TRRAP: variants seen among roughly 807,000 people sequenced by gnomAD.
The protein encoded by TRRAP is transformation/transcription domain-associated protein.
A neutral mutation model predicts 438.8 loss-of-function variants in TRRAP; 41 were observed. The ratio of observed to expected loss-of-function variants is 0.09; its 90% CI spans 0.07 to 0.12. The LOEUF is 0.12. Ranked by LOEUF, TRRAP falls within the 10% of genes least tolerant of loss-of-function variation. The pLI is 1.00. For missense variants in TRRAP, 3,122 were observed against 5,055.1 expected, an observed-to-expected ratio of 0.62 and a Z score of 11.60; for synonymous variants, 1,994 against 1,962.9, an observed-to-expected ratio of 1.02 and a Z score of -0.42.
intron 3 of TRRAP, among the ~76,000 whole-genome samples, chr7:98,886,066 C>T (rs1230610293): frequency 3.3e-5 from 5 of 152,146 alleles, no homozygotes; most frequent in Non-Finnish European, 5.9e-5. Context: ...GGGTGGATCA[C>T]TTGAGGCCAG....
chr7:98,970,306 C>T lies in TRRAP; in HGVS notation c.7692+15C>T. The T allele has an allele frequency of 6.2e-7, 1 of 1,609,214 alleles. No individual in the cohort carries two copies. The highest frequency in any genetic ancestry group is 8.5e-7 in the Non-Finnish European group (1 of 1,179,472). On this transcript the variant is annotated intron_variant, in intron 52 of 72. Transcript: ENST00000456197. ...CCAAAGAGGAGGTGAGGCCCTGCAC[C>T]CCACAGGCAGAATCCCAGAGAGGAG... is the stretch of plus-strand genomic sequence containing the variant.
chr7:98,956,113 T>A lies in TRRAP; in HGVS notation c.5938-33T>A. 6.8e-7 allele frequency: 1 copy of A among 1,474,854 alleles called. No individual in the cohort carries two copies. Among genetic ancestry groups the A allele is most frequent in the Non-Finnish European group, 9.0e-7 (1 of 1,114,906 alleles). 91.4% of individuals were successfully genotyped at this position (1,474,854 alleles called of 1,614,324 possible). A position where few individuals can be genotyped will look rare whatever the true frequency, so the allele number is the denominator to read the frequency against. Reference sequence around the variant, plus strand: ...CATGCACTGTGGGACCAAGCTCCCATGTTCCGGCGTGATGCTGGCCCTGCG... The same window carrying A: ...CATGCACTGTGGGACCAAGCTCCCAAGTTCCGGCGTGATGCTGGCCCTGCG... On this transcript the variant is annotated intron_variant, in intron 41 of 72. Coordinates refer to ENST00000456197, the MANE Select transcript of TRRAP (RefSeq NM_001375524.1). The surrounding 1 kb of genome is among the most constrained non-coding windows in gnomAD (Gnocchi z 4.5).
chr7:98,944,194 G>C (rs540747825), intron 31 of TRRAP, among the ~76,000 whole-genome samples: 2 of 152,148 alleles, frequency 1.3e-5, no homozygotes, highest in Admixed American at 1.3e-4. Context: ...TCTCTCATCT[G>C]TTAGGTACTT....
chr7:99,008,097 T>A (rs1794275426), intron 69 of TRRAP, among the ~76,000 whole-genome samples: 1 of 152,214 alleles, frequency 6.6e-6, no homozygotes, highest in South Asian at 2.1e-4. Context: ...GTGCTGTGAT[T>A]ACAGGCGTGA....
At chr7:98,886,166 C>T (rs572897905) in intron 3 of TRRAP, among the ~76,000 whole-genome samples, 7 of 152,204 alleles carry the variant, frequency 4.6e-5, no homozygotes, top group Non-Finnish European at 1.0e-4. Context: ...CATGCCTGGC[C>T]TGTAGTCCCA....
At position 98,931,675 on chromosome 7, in the gene TRRAP, C is replaced by T. The variant is rs782085745; in HGVS notation, c.3852+10C>T. The T allele has an allele frequency of 6.2e-7, 1 of 1,607,278 alleles. No individual in the cohort carries two copies. Among genetic ancestry groups the T allele is most frequent in the Non-Finnish European group, 8.5e-7 (1 of 1,174,384 alleles). On this transcript the variant is annotated intron_variant, in intron 26 of 72. Transcript: ENST00000456197. ...GGAACCCCACAAAGAGGTGAGATTT[C>T]TGTCACCAGAACCAAGGTAATTTCA...
Position 98,950,886 on chromosome 7 carries a change from A to G in TRRAP, c.5345A>G (p.His1782Arg), listed in dbSNP as rs1247503658. 7.0e-6 allele frequency: 11 copies of G among 1,564,230 alleles called. No individual in the cohort carries two copies. The highest frequency in any genetic ancestry group is 1.4e-5 in the African/African-American group (1 of 72,068). The change falls in exon 39 of 73, where the codon CAT (histidine) becomes CGT (arginine). Residue 1782 changes from histidine (H) to arginine (R), a missense_variant. Around this residue, in one of 24 missense-constraint regions of TRRAP, gnomAD observed 272 missense variants for 348.5 expected, o/e 0.78. Coordinates refer to ENST00000456197, the MANE Select transcript of TRRAP (RefSeq NM_001375524.1). The part of the protein sequence containing the change: ...GDELKAKVLQ[H>R]ILNPAFLYSF... ...AAATTTTTTTTGTAGGTTCTGCAGC[A>G]TATCTTGAATCCTGCTTTCTTGTAC...
At chr7:98,927,138 G>A (rs781794827) in intron 22 of TRRAP, 29 bp from the exon 23 acceptor site, 38 of 1,611,784 alleles carry the variant, frequency 2.4e-5, no homozygotes, top group Middle Eastern at 3.3e-4. Context: ...GTTGGGTGTC[G>A]TGACACCAGA....
intron 21 of TRRAP, among the ~76,000 whole-genome samples, chr7:98,924,643 G>GC: frequency 7.7e-6 from 1 of 130,110 alleles, no homozygotes; most frequent in South Asian, 2.6e-4. Flanking sequence ...GAGCGGAGAT[G>GC]GCACCACTGC....
At chr7:98,999,397 G>C in intron 67 of TRRAP, 1 of 1,248,870 alleles carries the variant, frequency 8.0e-7, no homozygotes, top group Non-Finnish European at 1.2e-6. Flanking sequence ...ATTTCCTCTT[G>C]ATCTACATGA....
intron 11 of TRRAP, among the ~76,000 whole-genome samples, chr7:98,902,900 C>T (rs1554406889): frequency 7.5e-6 from 1 of 132,658 alleles, no homozygotes; most frequent in Non-Finnish European, 1.6e-5. Context: ...TAGCAAGACC[C>T]CCATTTCTAA....
intron 41 of TRRAP, 35 bp downstream of exon 41, chr7:98,955,339 G>A (rs781898971): frequency 1.3e-5 from 20 of 1,568,336 alleles, no homozygotes; most frequent in African/African-American, 4.1e-5. Flanking sequence ...CGGGGCGCGC[G>A]TCTTCAGGCA....
At chr7:99,007,588 A>T (rs1227165760) in intron 69 of TRRAP, among the ~76,000 whole-genome samples, 4 of 151,816 alleles carry the variant, frequency 2.6e-5, no homozygotes, top group African/African-American at 9.7e-5. Flanking sequence ...ACCTCATGTG[A>T]TCCACCCACC....
In TRRAP at chr7:98,912,124, G is replaced by A. The variant is rs189842590; in HGVS notation, c.2110G>A (p.Val704Met). 3.7e-6 allele frequency: 6 copies of A among 1,614,178 alleles called. No homozygotes were observed. The highest frequency in any genetic ancestry group is 1.3e-5 in the African/African-American group (1 of 75,048). Residue 704 changes from valine to methionine, a missense_variant, in exon 18 of 73, where the codon GTG becomes ATG. Physicochemically the swap from Val to Met is conservative, Grantham distance 21. Around this residue, in one of 24 missense-constraint regions of TRRAP, gnomAD observed 149 missense variants for 302.8 expected, o/e 0.49. Transcript: ENST00000456197. ...LDRLPEMGSNVELSNLYLKLF... is the reference protein window; with the variant it reads ...LDRLPEMGSNMELSNLYLKLF... The stretch of plus-strand genomic sequence containing the variant: ...TCGCCTGCCAGAAATGGGCTCCAAC[G>A]TGGAGCTCTCCAACCTGTACCTCAA...
chr7:98,910,536 T>C lies in TRRAP; in HGVS notation c.1741T>C (p.Leu581=), dbSNP rs1789200800. 10 of 1,613,902 alleles carry C rather than the reference T, an allele frequency of 6.2e-6. No homozygotes were observed. In the Admixed American group the frequency reaches 6.7e-5, roughly 11 times the overall value. The change falls in exon 16 of 73, where the codon TTA becomes CTA. Residue 581 remains leucine, a synonymous_variant. Transcript: ENST00000456197. ...GEAQFIPNKQ[L]QPKETQIYIK... is the part of the protein sequence containing the mutation. ...AGCTCAGTTCATTCCCAACAAGCAG[T>C]TACAACCCAAAGAGACACAGATTTA...
Position 99,011,928 on chromosome 7 carries a change from C to T in TRRAP, c.11338-143C>T, listed in dbSNP as rs1389531685. 1 of 1,120,494 alleles carries T rather than the reference C, an allele frequency of 8.9e-7. No homozygotes were observed. The highest frequency in any genetic ancestry group is 1.3e-6 in the Non-Finnish European group (1 of 799,812). 69.4% of individuals were successfully genotyped at this position (1,120,494 alleles called of 1,614,324 possible). On this transcript the variant is annotated intron_variant, in intron 72 of 72. Transcript: ENST00000456197. This position sits in a 1 kb window ranked among gnomAD's most constrained non-coding sequence, Gnocchi z 7.1. Reference sequence around the variant, plus strand: ...GCTTCCCCAGCCCGTCCTGAGGGCACACAGCCTGGCCTGGTGCTGAAACTC... The same window carrying T: ...GCTTCCCCAGCCCGTCCTGAGGGCATACAGCCTGGCCTGGTGCTGAAACTC...
chr7:98,913,547 C>A (rs2283013), intron 18 of TRRAP, among the ~76,000 whole-genome samples: 1 of 151,988 alleles, frequency 6.6e-6, no homozygotes, highest in African/African-American at 2.4e-5. Context: ...CTTGGCCTCT[C>A]AAAGTGCTGG....
At chr7:98,890,732 C>G (rs937305757) in intron 4 of TRRAP, among the ~76,000 whole-genome samples, 2 of 151,786 alleles carry the variant, frequency 1.3e-5, no homozygotes, top group Admixed American at 1.3e-4. Flanking sequence ...ATGACTACCC[C>G]CCATACCTAT....
chr7:98,985,260 C>A lies in TRRAP; in HGVS notation c.9389+216C>A, dbSNP rs1793100440. Among the ~76,000 whole-genome samples the A allele has an allele frequency of 2.0e-5, 3 of 152,202 alleles. No individual in the cohort carries two copies. In the South Asian group the frequency reaches 6.2e-4, roughly 31 times the overall value. ...TGTGTAGTATTTTAAAAGCTTTTCTCAAATGAGCTACTGGATCACAGAACT... is the reference window on the plus strand; with the variant it reads ...TGTGTAGTATTTTAAAAGCTTTTCTAAAATGAGCTACTGGATCACAGAACT... On this transcript the variant is annotated intron_variant, in intron 62 of 72. Transcript: ENST00000456197.
Sources: gnomAD v4.1 joint callset for allele counts (sites outside exome capture counted in the v4.1 genomes callset) on GRCh38, gnomAD v4.1.1 for gene constraint, gnomAD v4.1.1 regional missense constraint, Gnocchi (gnomAD v3.1) non-coding constraint, MANE v1.5 for transcripts, NCBI Gene and HGNC (gene_info 2026-07-23, HGNC 2026-07-21) for gene names.